Variants in FGF14 observed in about 807,000 individuals in gnomAD.
FGF14 encodes the protein fibroblast growth factor 14.
In FGF14, 5 loss-of-function variants were observed where a neutral mutation model predicts 25.5. The ratio of observed to expected loss-of-function variants is 0.20; its 90% CI spans 0.10 to 0.41. FGF14 has a LOEUF of 0.41. FGF14 is among the 10% of genes least tolerant of loss of function. FGF14 has a pLI of 1.00. For synonymous variants in FGF14, 138 were observed against 118.3 expected, an observed-to-expected ratio of 1.17 and a Z score of -1.08; for missense variants, 222 against 320.1, an observed-to-expected ratio of 0.69 and a Z score of 2.34.
chr13:101,937,381 T>C (rs1285749834), intron 1 of FGF14, among the ~76,000 whole-genome samples: 1 of 152,170 alleles, frequency 6.6e-6, no homozygotes, highest in African/African-American at 2.4e-5. Flanking sequence ...TGGGTCCTAC[T>C]GTAATCTGAC....
intron 1 of FGF14, among the ~76,000 whole-genome samples, chr13:101,900,820 G>T (rs987301591): frequency 6.6e-6 from 1 of 152,048 alleles, no homozygotes; most frequent in Non-Finnish European, 1.5e-5. Context: ...CTTTTAATGT[G>T]CATGTTATAT....
chr13:101,729,864 G>A (rs2035694011), intron 3 of FGF14, among the ~76,000 whole-genome samples: 1 of 152,086 alleles, frequency 6.6e-6, no homozygotes, highest in Non-Finnish European at 1.5e-5. Flanking sequence ...ACTGAAAAAT[G>A]ACAGAACAAT....
chr13:101,918,912 C>T (rs912079658), upstream of FGF14, among the ~76,000 whole-genome samples: 9 of 151,172 alleles, frequency 6.0e-5, no homozygotes, highest in African/African-American at 2.2e-4. Flanking sequence ...AAGGAATATG[C>T]TAGAGTTGTT....
chr13:101,923,654 C>A (rs11838857), intron 1 of FGF14, among the ~76,000 whole-genome samples: 2,442 of 151,986 alleles, frequency 0.016, 74 homozygotes, highest in African/African-American at 0.055. Flanking sequence ...TTAAATAATT[C>A]TAAATTAGAT....
chr13:102,151,791 C>A (rs1864078762), intron 1 of FGF14, among the ~76,000 whole-genome samples: 1 of 152,182 alleles, frequency 6.6e-6, no homozygotes, highest in Admixed American at 6.5e-5. Context: ...AGCCACCATA[C>A]CCGACCTCCA....
intron 1 of FGF14, among the ~76,000 whole-genome samples, chr13:102,361,585 G>A: frequency 6.6e-6 from 1 of 152,106 alleles, no homozygotes; most frequent in Non-Finnish European, 1.5e-5. Context: ...TTCCCTGAAT[G>A]TTTTCTGCAC....
At chr13:101,989,048 G>A (rs907276472) in intron 1 of FGF14, among the ~76,000 whole-genome samples, 8 of 151,934 alleles carry the variant, frequency 5.3e-5, no homozygotes, top group Non-Finnish European at 1.2e-4. Context: ...GATAATTCTC[G>A]CCAGTCTTCC....
intron 1 of FGF14, among the ~76,000 whole-genome samples, chr13:101,993,049 A>G (rs2038988905): frequency 6.6e-6 from 1 of 152,000 alleles, no homozygotes; most frequent in South Asian, 2.1e-4. Context: ...CAGAAAAACA[A>G]AGAGAAAGAG....
chr13:101,775,499 G>A (rs1011995963), intron 3 of FGF14, among the ~76,000 whole-genome samples: 1 of 146,794 alleles, frequency 6.8e-6, no homozygotes, highest in African/African-American at 2.5e-5. Context: ...ACACTCTTGT[G>A]AAGAGCCGAG....
At chr13:102,338,699 T>C (rs542882597) in intron 1 of FGF14, among the ~76,000 whole-genome samples, 116 of 151,874 alleles carry the variant, frequency 7.6e-4, no homozygotes, top group South Asian at 2.5e-3. Context: ...AAACAAGATA[T>C]CATAAAAAGG....
At chr13:102,224,711 A>G (rs1030646906) in intron 1 of FGF14, among the ~76,000 whole-genome samples, 4 of 152,218 alleles carry the variant, frequency 2.6e-5, no homozygotes, top group African/African-American at 7.2e-5. Flanking sequence ...TAAAGAAACT[A>G]TACTACATAA....
intron 1 of FGF14, among the ~76,000 whole-genome samples, chr13:102,328,239 T>C (rs1016349436): frequency 6.6e-6 from 1 of 152,236 alleles, no homozygotes; most frequent in African/African-American, 2.4e-5. Context: ...TCTTCATAAG[T>C]ACATTTATTA....
At chr13:101,975,379 C>G (rs1453872879) in intron 1 of FGF14, among the ~76,000 whole-genome samples, 3 of 152,146 alleles carry the variant, frequency 2.0e-5, no homozygotes, top group Non-Finnish European at 4.4e-5. Flanking sequence ...CCTGACCCCC[C>G]ACCATGAACA....
At chr13:102,230,337 C>T (rs1309900309) in intron 1 of FGF14, among the ~76,000 whole-genome samples, 1 of 152,192 alleles carries the variant, frequency 6.6e-6, no homozygotes, top group East Asian at 1.9e-4. Context: ...AAAGAACAGA[C>T]TAAGACAGAT....
chr13:102,364,527 A>C (rs1035006989), intron 1 of FGF14, among the ~76,000 whole-genome samples: 1 of 152,256 alleles, frequency 6.6e-6, no homozygotes, highest in Admixed American at 6.5e-5. Context: ...AGTATTTCCT[A>C]TTTACTACTC....
intron 1 of FGF14, among the ~76,000 whole-genome samples, chr13:102,396,067 C>T (rs553576265): frequency 2.0e-5 from 3 of 152,322 alleles, no homozygotes; most frequent in East Asian, 1.9e-4. Context: ...CCTCAGAAAA[C>T]TCCATGCCCT....
At chr13:101,758,243 T>G (rs1216135219) in intron 3 of FGF14, among the ~76,000 whole-genome samples, 1 of 152,236 alleles carries the variant, frequency 6.6e-6, no homozygotes, top group Non-Finnish European at 1.5e-5. Context: ...TTATCATTGT[T>G]TTATTCAGAC....
chr13:101,826,408 C>T (rs527422775), intron 3 of FGF14, among the ~76,000 whole-genome samples: 9 of 152,052 alleles, frequency 5.9e-5, no homozygotes, highest in African/African-American at 1.9e-4. Context: ...TTGAGTAGAC[C>T]GATCAGACAC....
chr13:102,108,995 C>T (rs1412447681), intron 1 of FGF14, among the ~76,000 whole-genome samples: 1 of 74,214 alleles, frequency 1.3e-5, no homozygotes, highest in Non-Finnish European at 2.6e-5. Context: ...AGCTAGGTTT[C>T]ATGATGGTCA....
Sources: gnomAD v4.1 joint callset for allele counts (sites outside exome capture counted in the v4.1 genomes callset) on GRCh38, gnomAD v4.1.1 for gene constraint, MANE v1.5 for transcripts, NCBI Gene and HGNC (gene_info 2026-07-23, HGNC 2026-07-21) for gene names.